Variants in COL22A1 observed in about 807,000 individuals in gnomAD.
COL22A1 encodes the protein collagen type XXII alpha 1 chain, also known as collagen alpha-1(XXII) chain.
Under a neutral mutation model 248.9 loss-of-function variants are expected in COL22A1, and 221 were observed. The observed-to-expected ratio is 0.89, with a 90% CI of 0.80 to 0.99. The LOEUF is 0.99. Among genes scored for constraint, COL22A1 ranks in the 50% least tolerant of loss-of-function variants. The pLI, the probability that COL22A1 is intolerant of heterozygous loss-of-function variation, is 0.00. For synonymous variants in COL22A1, 891 were observed against 793.4 expected, an observed-to-expected ratio of 1.12 and a Z score of -2.07; for missense variants, 2,240 against 2,179.0, an observed-to-expected ratio of 1.03 and a Z score of -0.56.
chr8:138,612,473 G>A (rs1818941383), intron 56 of COL22A1, among the ~76,000 whole-genome samples: 2 of 152,138 alleles, frequency 1.3e-5, no homozygotes, highest in Non-Finnish European at 2.9e-5. Context: ...ATGCTATGGG[G>A]TTCAATTGTG....
At chr8:138,683,831 A>G (rs2130848206) in intron 39 of COL22A1, among the ~76,000 whole-genome samples, 1 of 152,360 alleles carries the variant, frequency 6.6e-6, no homozygotes, top group Non-Finnish European at 1.5e-5. Flanking sequence ...AATGAGACTC[A>G]TAATTCAAGA....
intron 25 of COL22A1, among the ~76,000 whole-genome samples, chr8:138,724,150 T>C (rs1373216044): frequency 6.6e-6 from 1 of 152,212 alleles, no homozygotes; most frequent in Non-Finnish European, 1.5e-5. Flanking sequence ...GAGACATTAA[T>C]GTTTTCTAAG....
At chr8:138,731,907 C>T (rs1830739162) in intron 23 of COL22A1, among the ~76,000 whole-genome samples, 2 of 152,150 alleles carry the variant, frequency 1.3e-5, no homozygotes, top group African/African-American at 4.8e-5. Context: ...CTTTGGCCTT[C>T]TGATAAATCA....
At chr8:138,793,918 G>A (rs1385005327) in intron 12 of COL22A1, among the ~76,000 whole-genome samples, 1 of 152,214 alleles carries the variant, frequency 6.6e-6, no homozygotes, top group Non-Finnish European at 1.5e-5. Flanking sequence ...AGAGGAACAT[G>A]GGAAGGAGGT....
chr8:138,890,252 T>C (rs1484364372), intron 1 of COL22A1, among the ~76,000 whole-genome samples: 1 of 152,140 alleles, frequency 6.6e-6, no homozygotes. Flanking sequence ...AAAGGCCATC[T>C]ATGAAAAATT....
At chr8:138,854,586 G>A (rs767164229) in intron 3 of COL22A1, among the ~76,000 whole-genome samples, 7 of 152,082 alleles carry the variant, frequency 4.6e-5, no homozygotes, top group African/African-American at 1.4e-4. Flanking sequence ...GCCTCTGCTC[G>A]CTGCTGTGAC....
chr8:138,711,799 G>A (rs1316594033), intron 30 of COL22A1, among the ~76,000 whole-genome samples: 2 of 152,168 alleles, frequency 1.3e-5, no homozygotes, highest in Admixed American at 6.5e-5. Context: ...GCAGGAGGAG[G>A]AAGGATGCAA....
chr8:138,828,138 C>T (rs1052996787), intron 5 of COL22A1: 4 of 93,378 alleles, frequency 4.3e-5, no homozygotes, highest in Non-Finnish European at 7.2e-5. Flanking sequence ...GCACGGCAGG[C>T]ACTTCATAAA....
rs536965409 is a variant in COL22A1, at chr8:138,815,096, T to C, written c.1246-2077A>G. ...TTCTCTTGCCTGTTGCCATGTAAGA[T>C]GTGACTTTGCTCCTCATTCACCTTC... On this transcript the variant is annotated intron_variant, in intron 7 of 64. Coordinates refer to ENST00000303045, the MANE Select transcript of COL22A1 (RefSeq NM_152888.3). 1.8e-4 allele frequency among the ~76,000 whole-genome samples: 27 copies of C among 152,312 alleles called. 1 individual carries two copies. The South Asian group carries it at 5.4e-3, about 30-fold the overall frequency.
chr8:138,602,078 G>T (rs772732964), intron 60 of COL22A1, 37 bp downstream of exon 60: 3 of 1,613,126 alleles, frequency 1.9e-6, no homozygotes. Flanking sequence ...CAAAGGTCGC[G>T]TTCGGCGTGT....
intron 11 of COL22A1, among the ~76,000 whole-genome samples, chr8:138,797,763 A>G (rs1277330700): frequency 2.0e-5 from 3 of 152,172 alleles, no homozygotes; most frequent in African/African-American, 7.2e-5. Context: ...AAAAGGAGGT[A>G]TTGAAGTCTC....
At chr8:138,733,975 C>T (rs1429144621) in intron 23 of COL22A1, among the ~76,000 whole-genome samples, 1 of 152,114 alleles carries the variant, frequency 6.6e-6, no homozygotes, top group Non-Finnish European at 1.5e-5. Flanking sequence ...CGTGAGAAAC[C>T]ACCTGTACAG....
intron 13 of COL22A1, among the ~76,000 whole-genome samples, chr8:138,780,205 G>T (rs1339000098): frequency 1.3e-5 from 2 of 152,192 alleles, no homozygotes; most frequent in Admixed American, 1.3e-4. Flanking sequence ...CTAGAGTGGA[G>T]TGAGAAGAGA....
At chr8:138,703,214 T>C (rs867864083) in intron 31 of COL22A1, 92 bp downstream of exon 31, 4 of 1,200,674 alleles carry the variant, frequency 3.3e-6, no homozygotes, top group African/African-American at 1.5e-5. Context: ...AGGGGAGATA[T>C]TTAAAACTAA....
intron 3 of COL22A1, among the ~76,000 whole-genome samples, chr8:138,876,800 G>A (rs781546194): frequency 6.6e-6 from 1 of 152,154 alleles, no homozygotes; most frequent in African/African-American, 2.4e-5. Context: ...CCCAGCCAGG[G>A]GTTGTTCAGC....
chr8:138,753,800 G>A (rs1201644146), intron 21 of COL22A1, among the ~76,000 whole-genome samples: 1 of 152,184 alleles, frequency 6.6e-6, no homozygotes, highest in Non-Finnish European at 1.5e-5. Flanking sequence ...GGTAAAGGGT[G>A]AGGACTACCC....
intron 4 of COL22A1, among the ~76,000 whole-genome samples, chr8:138,834,398 G>C: frequency 6.6e-6 from 1 of 150,802 alleles, no homozygotes; most frequent in East Asian, 1.9e-4. Flanking sequence ...AATGATTAAA[G>C]CCTCTTAGCC....
At chr8:138,784,168 G>A (rs1563759400) in intron 12 of COL22A1, among the ~76,000 whole-genome samples, 1 of 152,208 alleles carries the variant, frequency 6.6e-6, no homozygotes, top group Non-Finnish European at 1.5e-5. Flanking sequence ...GTCTCAGACT[G>A]GCAAGTGTTG....
chr8:138,604,025 G>T (rs77976374), intron 59 of COL22A1, among the ~76,000 whole-genome samples: 1 of 152,192 alleles, frequency 6.6e-6, no homozygotes, highest in Non-Finnish European at 1.5e-5. Flanking sequence ...CAAGCATTGT[G>T]GGGGGTCTGC....
Sources: allele counts gnomAD v4.1 joint callset (sites outside exome capture counted in the v4.1 genomes callset), GRCh38; gene constraint gnomAD v4.1.1; transcripts MANE v1.5; gene names NCBI Gene and HGNC (gene_info 2026-07-23, HGNC 2026-07-21).